The following AGK variants were observed in gnomAD, a reference collection of about 807,000 sequenced individuals.
The protein encoded by AGK is acylglycerol kinase, mitochondrial.
AGK carries 52 observed loss-of-function variants against 66.4 expected under a neutral mutation model. The observed-to-expected ratio is 0.78, with a 90% CI of 0.63 to 0.99. The LOEUF (loss-of-function observed/expected upper bound fraction) is 0.99. Ranked by LOEUF, AGK falls within the 50% of genes least tolerant of loss-of-function variation. The pLI, the probability that AGK is intolerant of heterozygous loss-of-function variation, is 0.00. For synonymous variants in AGK, 182 were observed against 181.1 expected (o/e 1.00, Z -0.04); for missense variants, 451 against 506.6 (o/e 0.89, Z 1.05).
In AGK at chr7:141,598,060, G is replaced by C. The variant is rs1796265825; in HGVS notation, c.221+1419G>C. Among the ~76,000 whole-genome samples the C allele has an allele frequency of 6.6e-6, 1 of 152,160 alleles. No individual in the cohort carries two copies. Among genetic ancestry groups the C allele is most frequent in the South Asian group, 2.1e-4 (1 of 4,830 alleles). On this transcript the variant is annotated intron_variant, in intron 4 of 15. Transcript: ENST00000649286. This position sits in a 1 kb window ranked among gnomAD's most constrained non-coding sequence, Gnocchi z 4.2. The stretch of plus-strand genomic sequence containing the variant: ...AGTGGTAGGCATAATGTTGTCTGGA[G>C]TAAAACACAGGGTCTCTGAAGTCAG...
intron 13 of AGK, among the ~76,000 whole-genome samples, chr7:141,642,868 C>T (rs1797320409): frequency 6.6e-6 from 1 of 152,096 alleles, no homozygotes. Context: ...GGCCCAAAGC[C>T]TAAAATGTTT....
At chr7:141,651,408 T>C (rs910601467) in intron 14 of AGK, 117 bp from the exon 15 acceptor site, 1 of 789,598 alleles carries the variant, frequency 1.3e-6, no homozygotes, top group Admixed American at 2.0e-5. Flanking sequence ...TATGGCTTAA[T>C]AGACCATCTG....
chr7:141,594,645 A>ATTTC (rs535767750), intron 3 of AGK, among the ~76,000 whole-genome samples: 37 of 150,492 alleles, frequency 2.5e-4, no homozygotes, highest in Admixed American at 6.0e-4. Context: ...CTTCTCATGT[A>ATTTC]TTTCTTTCTT....
intron 2 of AGK, among the ~76,000 whole-genome samples, chr7:141,560,350 C>T (rs977775378): frequency 2.6e-5 from 4 of 151,912 alleles, no homozygotes; most frequent in African/African-American, 7.2e-5. Context: ...TGTTTTTACC[C>T]TGAGAAGATC....
intron 2 of AGK, among the ~76,000 whole-genome samples, chr7:141,575,852 A>T (rs1400061223): frequency 1.3e-5 from 2 of 151,964 alleles, no homozygotes; most frequent in African/African-American, 4.8e-5. Flanking sequence ...AATGAGGTAA[A>T]ACATATTTTG....
chr7:141,632,950 TGTG>T (rs1797089713), intron 9 of AGK, among the ~76,000 whole-genome samples: 1 of 152,146 alleles, frequency 6.6e-6, no homozygotes, highest in South Asian at 2.1e-4. Context: ...CAGGAGTGAA[TGTG>T]GTGTTGGGGG....
rs926768178 is a variant in AGK, at chr7:141,617,196, C to A, written c.518+1631C>A. Among the ~76,000 whole-genome samples the A allele has an allele frequency of 1.2e-3, 189 of 152,116 alleles. 2 individuals are homozygous for A. Among genetic ancestry groups the A allele is most frequent in the African/African-American group, 4.3e-3 (180 of 41,492 alleles). On this transcript the variant is annotated intron_variant, in intron 8 of 15. Coordinates refer to ENST00000649286, the MANE Select transcript of AGK (RefSeq NM_018238.4). ...GTGTAGATTTTTTGAATTGCTTTAG[C>A]CAGTATTCCAAATAGCATATGTCAT... is the stretch of plus-strand genomic sequence containing the variant.
intron 7 of AGK, 105 bp downstream of exon 7, chr7:141,614,283 A>G: frequency 2.5e-6 from 2 of 802,834 alleles, no homozygotes; most frequent in East Asian, 6.0e-5. Flanking sequence ...TAAAACGGGT[A>G]CAAATTGTGC....
Position 141,562,542 on chromosome 7 carries a change from A to G in AGK, c.101+6975A>G, listed in dbSNP as rs370283696. Among the ~76,000 whole-genome samples the G allele has an allele frequency of 4.7e-4, 72 of 152,208 alleles. No homozygotes were observed. In the South Asian group the frequency reaches 0.015, roughly 31 times the overall value. On this transcript the variant is annotated intron_variant, in intron 2 of 15. Transcript: ENST00000649286. ...GGGCTTGCTGTGACCACAGTAGGGT[A>G]TGGGGAGGTGGTTCTCAGGCCAGTG... is the stretch of plus-strand genomic sequence containing the variant.
At chr7:141,570,750 A>T (rs140714947) in intron 2 of AGK, among the ~76,000 whole-genome samples, 1 of 152,146 alleles carries the variant, frequency 6.6e-6, no homozygotes, top group African/African-American at 2.4e-5. Flanking sequence ...CACACTGTCA[A>T]TGTGATTATC....
At chr7:141,596,921 C>A in intron 4 of AGK, 1 of 366,856 alleles carries the variant, frequency 2.7e-6, no homozygotes, top group Non-Finnish European at 5.0e-6. Context: ...CCCTCGGGAG[C>A]GACTGCTGTA....
intron 14 of AGK, 29 bp downstream of exon 14, chr7:141,649,362 A>G (rs1214889122): frequency 2.0e-6 from 3 of 1,538,434 alleles, no homozygotes; most frequent in Non-Finnish European, 2.7e-6. Context: ...ACAGGAAATG[A>G]GGCTTGTGAT....
At chr7:141,589,147 C>T (rs1796055253) in intron 2 of AGK, among the ~76,000 whole-genome samples, 1 of 152,162 alleles carries the variant, frequency 6.6e-6, no homozygotes, top group African/African-American at 2.4e-5. Context: ...TCAAATGCCT[C>T]TGACACTTAC....
At chr7:141,557,437 C>T (rs1444796673) in intron 2 of AGK, among the ~76,000 whole-genome samples, 2 of 152,172 alleles carry the variant, frequency 1.3e-5, no homozygotes, top group Non-Finnish European at 2.9e-5. Flanking sequence ...TCCTCAAGGC[C>T]CCTTTGCTGG....
chr7:141,633,757 G>T, intron 9 of AGK, 144 bp from the exon 10 acceptor site: 2 of 679,330 alleles, frequency 2.9e-6, no homozygotes, highest in Non-Finnish European at 5.2e-6. Flanking sequence ...GCACTCACAG[G>T]GTTAATGTCT....
At chr7:141,647,819 C>T (rs1250930155) in intron 13 of AGK, among the ~76,000 whole-genome samples, 5 of 152,000 alleles carry the variant, frequency 3.3e-5, no homozygotes, top group South Asian at 2.1e-4. Flanking sequence ...TACAGGCGCC[C>T]GCCACCACAC....
intron 14 of AGK, among the ~76,000 whole-genome samples, chr7:141,651,060 G>A (rs902985056): frequency 6.6e-5 from 10 of 152,266 alleles, no homozygotes; most frequent in Non-Finnish European, 1.5e-4. Flanking sequence ...GATAGGAAGG[G>A]TTATCAGAGA....
At chr7:141,639,106 AAG>A (rs1797232769) in intron 11 of AGK, among the ~76,000 whole-genome samples, 1 of 152,178 alleles carries the variant, frequency 6.6e-6, no homozygotes, top group Non-Finnish European at 1.5e-5. Context: ...AGAAAAAAGT[AAG>A]AGTTTCGAGA....
At chr7:141,607,868 A>G (rs1192720432) in intron 5 of AGK, among the ~76,000 whole-genome samples, 1 of 151,888 alleles carries the variant, frequency 6.6e-6, no homozygotes, top group Non-Finnish European at 1.5e-5. Flanking sequence ...TTCCTCTTTT[A>G]GTGCATTTGG....
Sources: allele counts gnomAD v4.1 joint callset (sites outside exome capture counted in the v4.1 genomes callset), GRCh38; gene constraint gnomAD v4.1.1; non-coding constraint Gnocchi (gnomAD v3.1); transcripts MANE v1.5; gene names NCBI Gene and HGNC (gene_info 2026-07-23, HGNC 2026-07-21).